Variants in SYNE2 observed in about 807,000 individuals in gnomAD.
SYNE2 encodes the protein spectrin repeat containing nuclear envelope protein 2.
In SYNE2, 431 loss-of-function variants were observed where a neutral mutation model predicts 856.3. The ratio of observed to expected loss-of-function variants is 0.50; its 90% CI spans 0.47 to 0.55. The LOEUF is 0.55. Among genes scored for constraint, SYNE2 ranks in the 20% least tolerant of loss-of-function variants. The pLI, the probability that SYNE2 is intolerant of heterozygous loss-of-function variation, is 0.00. For missense variants in SYNE2, 8,129 were observed against 8,023.2 expected (o/e 1.01, Z -0.50); for synonymous variants, 2,923 against 2,872.3 (o/e 1.02, Z -0.56).
chr14:63,854,608 G>C (rs964029820), intron 1 of SYNE2, among the ~76,000 whole-genome samples: 2 of 152,186 alleles, frequency 1.3e-5, no homozygotes, highest in Admixed American at 6.5e-5. Flanking sequence ...GTAAAAAGTG[G>C]AAATGTTTAG....
At chr14:64,190,302 T>G in intron 99 of SYNE2, 65 bp downstream of exon 99, 2 of 1,598,156 alleles carry the variant, frequency 1.3e-6, no homozygotes, top group Non-Finnish European at 1.7e-6. Flanking sequence ...TCTAGTAAAC[T>G]GAACCCAGTC....
At chr14:64,189,949 C>A in intron 98 of SYNE2, 122 bp from the exon 99 acceptor site, 1 of 1,136,652 alleles carries the variant, frequency 8.8e-7, no homozygotes, top group Non-Finnish European at 1.3e-6. Flanking sequence ...TGGTATGAGC[C>A]ACTATGCCTG....
chr14:63,772,090 T>G (rs1426688088), intron 1 of SYNE2, among the ~76,000 whole-genome samples: 1 of 152,156 alleles, frequency 6.6e-6, no homozygotes, highest in East Asian at 1.9e-4. Flanking sequence ...TGGTGGCTCA[T>G]GCCTGTAATC....
At chr14:63,930,542 T>TC (rs2095738068) in intron 2 of SYNE2, among the ~76,000 whole-genome samples, 2 of 151,338 alleles carry the variant, frequency 1.3e-5, no homozygotes, top group South Asian at 4.2e-4. Context: ...TCTTTTTTTT[T>TC]TTTTTTTTAA....
chr14:64,201,171 G>A (rs529541782), intron 99 of SYNE2, among the ~76,000 whole-genome samples: 1 of 152,264 alleles, frequency 6.6e-6, no homozygotes, highest in Admixed American at 6.5e-5. Context: ...ATGGAACTTG[G>A]GCCCAGGTCT....
In SYNE2 at chr14:63,858,398, A is replaced by G. The variant is rs547736628; in HGVS notation, c.-52+5255A>G. Among the ~76,000 whole-genome samples, 10 of 145,064 alleles carry G rather than the reference A, an allele frequency of 6.9e-5. No homozygotes were observed. In the South Asian group the frequency reaches 2.0e-3, roughly 28 times the overall value. On this transcript the variant is annotated intron_variant, in intron 1 of 115. Coordinates refer to ENST00000555002, the MANE Select transcript of SYNE2 (RefSeq NM_182914.3). ...TGGCCTCCCAAAGTGCTGGGATTAC[A>G]GGCATGAGCCACTGCACCCAGCCTA... is the stretch of plus-strand genomic sequence containing the variant.
chr14:63,861,654 G>T (rs1027370057), intron 1 of SYNE2, among the ~76,000 whole-genome samples: 2 of 151,892 alleles, frequency 1.3e-5, no homozygotes, highest in African/African-American at 4.8e-5. Flanking sequence ...GGCTATGGTG[G>T]TGCATGTCTA....
intron 1 of SYNE2, among the ~76,000 whole-genome samples, chr14:63,810,177 T>C (rs1050200339): frequency 1.3e-5 from 2 of 151,546 alleles, no homozygotes; most frequent in African/African-American, 4.9e-5. Flanking sequence ...TGAGCTAAGA[T>C]TGCACAATGC....
At chr14:64,113,106 C>T (rs1421904317) in intron 65 of SYNE2, 3 of 985,296 alleles carry the variant, frequency 3.0e-6, no homozygotes, top group Non-Finnish European at 3.6e-6. Flanking sequence ...TGTTTGCGTC[C>T]TCTGTGCCCG....
chr14:63,998,282 A>G lies in SYNE2; in HGVS notation c.3307A>G (p.Ile1103Val), dbSNP rs755663455. ...SVLRPLQEESIMEKDYSASIN... is the reference protein window; with the variant it reads ...SVLRPLQEESVMEKDYSASIN... ...GTTAAGGCCTCTGCAAGAAGAAAGC[A>G]TTATGGAAAAGGATTACAGTGCATC... Residue 1103 changes from isoleucine to valine, a missense_variant, in exon 26 of 116, where the codon ATT becomes GTT. By Grantham distance (29) the Ile-to-Val change is conservative. This residue lies in a region of SYNE2 where 2,422 missense variants were observed against 2,357.4 expected (regional missense o/e 1.03). Coordinates refer to ENST00000555002, the MANE Select transcript of SYNE2 (RefSeq NM_182914.3). 2 of 1,614,086 alleles carry G rather than the reference A, an allele frequency of 1.2e-6. No homozygotes were observed. The highest frequency in any genetic ancestry group is 2.2e-5 in the East Asian group (1 of 44,850).
chr14:64,009,951 T>G lies in SYNE2; in HGVS notation c.4578-15T>G, dbSNP rs2096830888. On this transcript the variant is annotated splice_polypyrimidine_tract_variant and intron_variant, in intron 31 of 115. Coordinates refer to ENST00000555002, the MANE Select transcript of SYNE2 (RefSeq NM_182914.3). ...TTTTTGGACATTTAGCTATTGTATA[T>G]TTTTCTATTCTTAGTCTTGAACAAT... 6.2e-7 allele frequency: 1 copy of G among 1,610,718 alleles called. No individual in the cohort carries two copies.
At chr14:64,012,209 C>A (rs1434138994) in intron 32 of SYNE2, among the ~76,000 whole-genome samples, 1 of 152,216 alleles carries the variant, frequency 6.6e-6, no homozygotes, top group African/African-American at 2.4e-5. Flanking sequence ...TCTGCACCCT[C>A]CCCGCTACCT....
chr14:63,767,708 T>C (rs1886738804), intron 1 of SYNE2, among the ~76,000 whole-genome samples: 1 of 152,138 alleles, frequency 6.6e-6, no homozygotes, highest in Non-Finnish European at 1.5e-5. Flanking sequence ...TCTGCCTGCA[T>C]TCTAAATTGC....
intron 1 of SYNE2, among the ~76,000 whole-genome samples, chr14:63,881,610 T>A (rs1022882127): frequency 6.1e-5 from 9 of 148,456 alleles, no homozygotes; most frequent in African/African-American, 1.5e-4. Context: ...TATATAAATA[T>A]ATAATTATAA....
At chr14:63,890,566 G>T (rs959030291) in intron 1 of SYNE2, among the ~76,000 whole-genome samples, 17 of 152,204 alleles carry the variant, frequency 1.1e-4, no homozygotes, top group African/African-American at 4.1e-4. Flanking sequence ...TGGAGAGAAT[G>T]AGGGGAGGGA....
At chr14:64,138,718 A>G (rs976460492) in intron 79 of SYNE2, among the ~76,000 whole-genome samples, 2 of 152,194 alleles carry the variant, frequency 1.3e-5, no homozygotes. Flanking sequence ...AGTTGGTATA[A>G]TCTTGAACCG....
chr14:64,174,969 G>A lies in SYNE2; in HGVS notation c.17261G>A (p.Arg5754Lys), dbSNP rs767540449. The change falls in exon 95 of 116, where the codon AGG (arginine) becomes AAG (lysine). Residue 5754 changes from arginine to lysine, a missense_variant. Around this residue, in one of 3 missense-constraint regions of SYNE2, gnomAD observed 5,410 missense variants for 5,284.8 expected, o/e 1.02. Coordinates refer to ENST00000555002, the MANE Select transcript of SYNE2 (RefSeq NM_182914.3). ...AATAAAGAAATTCATTTTCAAAGGA[G>A]GCGAACTACCTGTGCCCTAACCTTG... ...LKNKEIHFQR[R>K]RTTCALTLEA... 6.2e-7 allele frequency: 1 copy of A among 1,613,966 alleles called. No individual in the cohort carries two copies. The highest frequency in any genetic ancestry group is 1.1e-5 in the South Asian group (1 of 91,060).
At chr14:64,056,415 T>C (rs2097269220) in intron 49 of SYNE2, 149 bp downstream of exon 49, 7 of 656,596 alleles carry the variant, frequency 1.1e-5, no homozygotes, top group Non-Finnish European at 1.7e-5. Context: ...TTGGAAAATA[T>C]GGTTAAGTAG....
chr14:63,793,836 G>A (rs1296096594), intron 1 of SYNE2, among the ~76,000 whole-genome samples: 1 of 151,982 alleles, frequency 6.6e-6, no homozygotes, highest in African/African-American at 2.4e-5. Flanking sequence ...TACTTGAGAG[G>A]CTGAGGTTGG....
Sources: gnomAD v4.1 joint callset for allele counts (sites outside exome capture counted in the v4.1 genomes callset) on GRCh38, gnomAD v4.1.1 for gene constraint, gnomAD v4.1.1 regional missense constraint, MANE v1.5 for transcripts, NCBI Gene and HGNC (gene_info 2026-07-23, HGNC 2026-07-21) for gene names.